The following RBFOX1 variants were observed in gnomAD, a reference collection of about 807,000 sequenced individuals.
RBFOX1 encodes RNA binding protein fox-1 homolog 1.
In RBFOX1, 8 loss-of-function variants were observed where a neutral mutation model predicts 57.7. The observed-to-expected ratio is 0.14, with a 90% confidence interval of 0.08 to 0.25. The LOEUF is 0.25. RBFOX1 is among the 10% of genes least tolerant of loss of function. RBFOX1 has a pLI of 1.00. For synonymous variants in RBFOX1, 326 were observed against 222.4 expected (o/e 1.47, Z -4.15); for missense variants, 611 against 548.5 (o/e 1.11, Z -1.14).
At chr16:7,064,132 G>A (rs139839745) in intron 4 of RBFOX1, among the ~76,000 whole-genome samples, 12 of 150,788 alleles carry the variant, frequency 8.0e-5, no homozygotes, top group East Asian at 5.9e-4. Context: ...GTCCATAAGC[G>A]TGGGCCCTAA....
intron 1 of RBFOX1, among the ~76,000 whole-genome samples, chr16:6,256,271 G>GTA (rs1162785126): frequency 8.5e-4 from 97 of 114,054 alleles, no homozygotes; most frequent in Non-Finnish European, 1.3e-3. Flanking sequence ...ATATATATAT[G>GTA]TATATATATA....
chr16:6,965,585 A>T lies in RBFOX1; in HGVS notation c.-15-86472A>T, dbSNP rs565868491. 3.9e-5 allele frequency among the ~76,000 whole-genome samples: 6 copies of T among 152,220 alleles called. No individual in the cohort carries two copies. The South Asian group carries it at 6.2e-4, about 16-fold the overall frequency. ...CTCCGGACCTCAAGTGATCTCCCCA[A>T]CTTGGCTTCCCAAAGTGCTGAGATG... On this transcript the variant is annotated intron_variant, in intron 3 of 15. Transcript: ENST00000550418.
At chr16:6,741,462 G>A (rs966033147) in intron 3 of RBFOX1, among the ~76,000 whole-genome samples, 5 of 152,038 alleles carry the variant, frequency 3.3e-5, no homozygotes, top group South Asian at 2.1e-4. Flanking sequence ...TCAGGAGTTC[G>A]AGACCAGCCT....
chr16:7,443,694 C>G (rs1191940153), intron 4 of RBFOX1, among the ~76,000 whole-genome samples: 3 of 152,168 alleles, frequency 2.0e-5, no homozygotes, highest in Non-Finnish European at 4.4e-5. Flanking sequence ...CTACTTTTCA[C>G]AAACTTGAAA....
intron 4 of RBFOX1, among the ~76,000 whole-genome samples, chr16:7,201,938 A>T (rs970538003): frequency 6.6e-6 from 1 of 152,176 alleles, no homozygotes; most frequent in Non-Finnish European, 1.5e-5. Flanking sequence ...CAGAGGTAAC[A>T]CTGGCAGAAC....
chr16:6,720,576 G>A (rs2065784801), intron 3 of RBFOX1, among the ~76,000 whole-genome samples: 1 of 152,164 alleles, frequency 6.6e-6, no homozygotes, highest in South Asian at 2.1e-4. Context: ...GAAGGAGCAT[G>A]GTATGATGGA....
At chr16:7,202,774 T>C (rs963924897) in intron 4 of RBFOX1, among the ~76,000 whole-genome samples, 1 of 152,134 alleles carries the variant, frequency 6.6e-6, no homozygotes. Context: ...AGTGGGACAG[T>C]TTCATCCTGA....
At chr16:7,388,604 C>G (rs1413190291) in intron 4 of RBFOX1, among the ~76,000 whole-genome samples, 1 of 149,490 alleles carries the variant, frequency 6.7e-6, no homozygotes, top group East Asian at 2.0e-4. Flanking sequence ...TGAGATAATA[C>G]ACATCCAGGC....
chr16:6,207,359 G>C (rs978004701), intron 1 of RBFOX1, among the ~76,000 whole-genome samples: 3 of 152,194 alleles, frequency 2.0e-5, no homozygotes, highest in African/African-American at 7.2e-5. Context: ...GCAGCCAAAA[G>C]GTTGCTGCAC....
chr16:7,360,428 C>A lies in RBFOX1; in HGVS notation c.28-157719C>A, dbSNP rs956509968. 8.5e-5 allele frequency among the ~76,000 whole-genome samples: 13 copies of A among 152,062 alleles called. No homozygotes were observed. The South Asian group carries it at 1.7e-3, about 19-fold the overall frequency. ...TGCCTGTATGTATGATGTGGGTGTG[C>A]ACGTGTGTGAATATTAGCGAGAATG... is the stretch of plus-strand genomic sequence containing the variant. On this transcript the variant is annotated intron_variant, in intron 4 of 15. Transcript: ENST00000550418.
chr16:7,411,965 C>T (rs993587850), intron 4 of RBFOX1, among the ~76,000 whole-genome samples: 1 of 147,818 alleles, frequency 6.8e-6, no homozygotes, highest in Non-Finnish European at 1.5e-5. Context: ...CAAGAAGAAA[C>T]TTCAGAGTCA....
intron 3 of RBFOX1, among the ~76,000 whole-genome samples, chr16:7,021,575 A>G (rs1421542671): frequency 1.4e-5 from 2 of 145,474 alleles, no homozygotes; most frequent in African/African-American, 2.5e-5. Flanking sequence ...TATATTTTAT[A>G]AAATATATAA....
At chr16:5,514,748 G>A (rs2043728685) in intron 2 of RBFOX1, among the ~76,000 whole-genome samples, 1 of 152,092 alleles carries the variant, frequency 6.6e-6, no homozygotes, top group Non-Finnish European at 1.5e-5. Flanking sequence ...GAGGGAAGGA[G>A]GAAGGGGAAG....
intron 2 of RBFOX1, among the ~76,000 whole-genome samples, chr16:6,355,016 A>G (rs893127423): frequency 4.5e-4 from 68 of 152,174 alleles, no homozygotes; most frequent in Non-Finnish European, 1.0e-4. Context: ...CCCAGAGGAC[A>G]TAGGAGCCTG....
intron 3 of RBFOX1, among the ~76,000 whole-genome samples, chr16:6,912,762 C>T (rs1189154428): frequency 4.0e-5 from 6 of 151,858 alleles, no homozygotes; most frequent in Non-Finnish European, 1.5e-5. Context: ...GGACTATAGG[C>T]ACATGCCACC....
At chr16:5,702,683 A>G (rs571315204) in intron 3 of RBFOX1, among the ~76,000 whole-genome samples, 2 of 152,344 alleles carry the variant, frequency 1.3e-5, no homozygotes, top group South Asian at 2.1e-4. Flanking sequence ...ATGAGTATCA[A>G]TTGACCCATC....
intron 1 of RBFOX1, among the ~76,000 whole-genome samples, chr16:5,383,340 C>T (rs75893483): frequency 0.011 from 1,641 of 152,218 alleles, 38 homozygotes; most frequent in African/African-American, 0.038. Context: ...AGATGAGAGC[C>T]GCTCAGACCT....
intron 2 of RBFOX1, among the ~76,000 whole-genome samples, chr16:6,486,107 T>G (rs1005039783): frequency 1.2e-5 from 1 of 82,196 alleles, no homozygotes; most frequent in African/African-American, 4.2e-5. Flanking sequence ...TTTTTTTTTT[T>G]GGCATTGATT....
chr16:5,936,687 C>A (rs1456354994), intron 4 of RBFOX1, among the ~76,000 whole-genome samples: 2 of 152,118 alleles, frequency 1.3e-5, no homozygotes, highest in Non-Finnish European at 2.9e-5. Context: ...CATTCTCCAC[C>A]CAACTTCCTA....
Sources: allele counts gnomAD v4.1 joint callset (sites outside exome capture counted in the v4.1 genomes callset), GRCh38; gene constraint gnomAD v4.1.1; transcripts MANE v1.5; gene names NCBI Gene and HGNC (gene_info 2026-07-23, HGNC 2026-07-21).